GALNT2: variants seen among roughly 807,000 people sequenced by gnomAD.
The protein encoded by GALNT2 is polypeptide N-acetylgalactosaminyltransferase 2.
Under a neutral mutation model 81.4 loss-of-function variants are expected in GALNT2, and 31 were observed. That is an observed-to-expected ratio of 0.38 (90% confidence interval 0.29 to 0.51). GALNT2 has a LOEUF of 0.51. Among genes scored for constraint, GALNT2 ranks in the 20% least tolerant of loss-of-function variants. The pLI is 0.87. For missense variants in GALNT2, 629 were observed against 765.7 expected (o/e 0.82, Z 2.11); for synonymous variants, 303 against 287.4 (o/e 1.05, Z -0.55).
chr1:230,098,428 G>T (rs1660311659), intron 1 of GALNT2, among the ~76,000 whole-genome samples: 1 of 151,876 alleles, frequency 6.6e-6, no homozygotes, highest in Non-Finnish European at 1.5e-5. Flanking sequence ...TTTGCGAAAG[G>T]CAGGTCTATG....
intron 1 of GALNT2, among the ~76,000 whole-genome samples, chr1:230,106,381 A>G (rs1660546791): frequency 6.6e-6 from 1 of 152,172 alleles, no homozygotes; most frequent in African/African-American, 2.4e-5. Flanking sequence ...CCTGGAATGA[A>G]TACCTAAACA....
intron 10 of GALNT2, among the ~76,000 whole-genome samples, chr1:230,253,123 C>T (rs3761943): frequency 0.28 from 42,370 of 152,056 alleles, 5,934 homozygotes; most frequent in African/African-American, 0.32. Flanking sequence ...GTTGGGATTA[C>T]AGGCATGAGC....
chr1:230,219,363 C>G (rs1489097111), intron 3 of GALNT2, among the ~76,000 whole-genome samples: 2 of 152,060 alleles, frequency 1.3e-5, no homozygotes, highest in East Asian at 3.9e-4. Context: ...CCCTGGTTGC[C>G]TAATTCTGCT....
At chr1:230,083,631 AATCCTC>A (rs1272419310) in intron 1 of GALNT2, among the ~76,000 whole-genome samples, 5 of 152,182 alleles carry the variant, frequency 3.3e-5, no homozygotes, top group Non-Finnish European at 5.9e-5. Context: ...GAAAATTTAG[AATCCTC>A]ATTTTAAGGC....
chr1:230,188,167 C>A (rs1266714674), intron 2 of GALNT2, among the ~76,000 whole-genome samples: 1 of 152,150 alleles, frequency 6.6e-6, no homozygotes, highest in Admixed American at 6.5e-5. Flanking sequence ...CAATGTCTGT[C>A]ATTTTCTTTC....
intron 2 of GALNT2, among the ~76,000 whole-genome samples, chr1:230,190,494 C>T (rs1027453866): frequency 1.4e-4 from 21 of 152,344 alleles, no homozygotes; most frequent in Non-Finnish European, 1.8e-4. Context: ...TCAATCTTTT[C>T]GTGAATTTCT....
intron 1 of GALNT2, among the ~76,000 whole-genome samples, chr1:230,127,858 A>T (rs12045647): frequency 0.25 from 37,379 of 151,958 alleles, 4,902 homozygotes; most frequent in East Asian, 0.4. Flanking sequence ...GGTATTGCTG[A>T]CGTGGCATGT....
intron 3 of GALNT2, among the ~76,000 whole-genome samples, chr1:230,232,577 C>T (rs1272041096): frequency 6.6e-6 from 1 of 152,188 alleles, no homozygotes; most frequent in African/African-American, 2.4e-5. Flanking sequence ...GTAAGTCATT[C>T]AACCTAGGTC....
intron 1 of GALNT2, among the ~76,000 whole-genome samples, chr1:230,161,889 A>T (rs1215159257): frequency 6.6e-6 from 1 of 152,152 alleles, no homozygotes; most frequent in Non-Finnish European, 1.5e-5. Context: ...TGACCACAGC[A>T]TCTTTACTTG....
intron 1 of GALNT2, among the ~76,000 whole-genome samples, chr1:230,177,080 C>T (rs1398423981): frequency 1.3e-5 from 2 of 152,224 alleles, no homozygotes; most frequent in Non-Finnish European, 2.9e-5. Flanking sequence ...CAGTTTCTGT[C>T]TAATTACCGC....
intron 14 of GALNT2, among the ~76,000 whole-genome samples, chr1:230,273,360 AAGAC>A (rs904780371): frequency 1.3e-4 from 20 of 152,304 alleles, no homozygotes; most frequent in Admixed American, 5.9e-4. Flanking sequence ...GACCGATAGA[AAGAC>A]AGACAGACAG....
At chr1:230,133,303 C>A (rs983848138) in intron 1 of GALNT2, among the ~76,000 whole-genome samples, 3 of 152,160 alleles carry the variant, frequency 2.0e-5, no homozygotes, top group African/African-American at 7.2e-5. Context: ...GATAGATGTT[C>A]TCAGCTCTTT....
chr1:230,083,648 A>AT (rs1365645551), intron 1 of GALNT2, among the ~76,000 whole-genome samples: 2 of 152,208 alleles, frequency 1.3e-5, no homozygotes, highest in Non-Finnish European at 2.9e-5. Context: ...ATTTTAAGGC[A>AT]TTGATCTTTC....
chr1:230,265,170 G>A, intron 13 of GALNT2, 71 bp from the exon 14 acceptor site: 2 of 1,607,124 alleles, frequency 1.2e-6, no homozygotes, highest in South Asian at 2.2e-5. Flanking sequence ...AGGCCACTGA[G>A]CAAAGGGGCT....
At chr1:230,132,321 C>T (rs1013420724) in intron 1 of GALNT2, among the ~76,000 whole-genome samples, 2 of 152,162 alleles carry the variant, frequency 1.3e-5, no homozygotes, top group South Asian at 2.1e-4. Context: ...ACTGTTAAAT[C>T]ACCCAGATTT....
At chr1:230,179,714 G>A (rs1168847910) in intron 2 of GALNT2, among the ~76,000 whole-genome samples, 1 of 152,074 alleles carries the variant, frequency 6.6e-6, no homozygotes, top group Non-Finnish European at 1.5e-5. Flanking sequence ...TCAGATATGG[G>A]TTTTGTAAAT....
chr1:230,062,249 G>C (rs1337819578), upstream of GALNT2, among the ~76,000 whole-genome samples: 1 of 152,130 alleles, frequency 6.6e-6, no homozygotes, highest in Non-Finnish European at 1.5e-5. Context: ...TTTTATAGGA[G>C]ATTTGGGGTT....
Position 230,280,402 on chromosome 1 carries a change from A to C in GALNT2, c.*944A>C, listed in dbSNP as rs1035590846. On this transcript the variant is annotated 3_prime_UTR_variant, in exon 16 of 16. Transcript: ENST00000366672. ...CTGGAGCGGTTACTTATTTTGACAG[A>C]TATCACTTTGGGTCTTTTTACATTA... The C allele has an allele frequency of 5.2e-6, 1 of 193,368 alleles. No individual in the cohort carries two copies. Among genetic ancestry groups the C allele is most frequent in the African/African-American group, 2.3e-5 (1 of 43,688 alleles). 12.0% of individuals were successfully genotyped at this position (193,368 alleles called of 1,614,324 possible). A position where few individuals can be genotyped will look rare whatever the true frequency, so the allele number is the denominator to read the frequency against.
chr1:230,194,874 C>T (rs1044465132), intron 2 of GALNT2, among the ~76,000 whole-genome samples: 15 of 152,232 alleles, frequency 9.9e-5, no homozygotes, highest in Admixed American at 9.2e-4. Context: ...CCAGTGCGTG[C>T]GGAGGGGTCA....
Sources: allele counts gnomAD v4.1 joint callset (sites outside exome capture counted in the v4.1 genomes callset), GRCh38; gene constraint gnomAD v4.1.1; transcripts MANE v1.5; gene names NCBI Gene and HGNC (gene_info 2026-07-23, HGNC 2026-07-21).